The following ZNF335 variants were observed in gnomAD, a reference collection of about 807,000 sequenced individuals.
ZNF335 encodes the protein zinc finger protein 335.
In ZNF335, 84 loss-of-function variants were observed where a neutral mutation model predicts 145.6. The observed-to-expected ratio is 0.58, with a 90% CI of 0.48 to 0.69. The LOEUF is 0.69. Ranked by LOEUF, ZNF335 falls within the 30% of genes least tolerant of loss-of-function variation. The pLI, the probability that ZNF335 is intolerant of heterozygous loss-of-function variation, is 0.00. For missense variants in ZNF335, 1,865 were observed against 1,809.7 expected, an observed-to-expected ratio of 1.03 and a Z score of -0.55; for synonymous variants, 761 against 717.0, an observed-to-expected ratio of 1.06 and a Z score of -0.98.
rs796718085 is a variant in ZNF335, at chr20:45,972,186, T to G, written c.-115A>C. 8.5e-6 allele frequency: 11 copies of G among 1,288,972 alleles called. No individual in the cohort carries two copies. In the East Asian group the frequency reaches 4.5e-4, roughly 52 times the overall value. The allele number at this position is 1,288,972 out of a possible 1,614,324, so 79.8% of individuals were successfully genotyped here. ...TCGACGAGGTCGCCATCCTCTTTCC[T>G]CCGCTGCGGAGGAACCCATCGGCCT... On this transcript the variant is annotated 5_prime_UTR_variant, in exon 1 of 28. Coordinates refer to ENST00000322927, the MANE Select transcript of ZNF335 (RefSeq NM_022095.4).
At position 45,969,622 on chromosome 20, in the gene ZNF335, C is replaced by T. The variant is rs764110678; in HGVS notation, c.271G>A (p.Val91Met). The change falls in exon 3 of 28, where the codon GTG becomes ATG. Residue 91 changes from valine (V) to methionine (M), a missense_variant. Physicochemically the swap from Val to Met is conservative, Grantham distance 21 (BLOSUM62 1). Coordinates refer to ENST00000322927, the MANE Select transcript of ZNF335 (RefSeq NM_022095.4). Reference protein sequence around the residue: ...PNSYLPDSSSVSHGPVAGVTG... With the variant: ...PNSYLPDSSSMSHGPVAGVTG... The stretch of plus-strand genomic sequence containing the variant: ...ACCCCTGCCACTGGCCCATGAGACA[C>T]AGACGATGAATCAGGGAGGTAGCTA... The T allele has an allele frequency of 2.5e-6, 4 of 1,610,596 alleles. No homozygotes were observed. The highest frequency in any genetic ancestry group is 3.4e-6 in the Non-Finnish European group (4 of 1,177,632).
In ZNF335 at chr20:45,960,692, C is replaced by T. The variant is rs150978634; in HGVS notation, c.1706G>A (p.Arg569His). The T allele has an allele frequency of 9.3e-6, 15 of 1,613,968 alleles. No individual in the cohort carries two copies. The highest frequency in any genetic ancestry group is 1.6e-4 in the Middle Eastern group (1 of 6,084). The change falls in exon 12 of 28, where the codon CGT becomes CAT. Residue 569 changes from arginine to histidine, a missense_variant. Transcript: ENST00000322927. ...GAGTCTTTTCTGCATGGGGTACACA[C>T]GGCCACACACAGGGCAGGGGAAAGA... ...LSSFPCPVCG[R>H]VYPMQKRLTQ... is the part of the protein sequence containing the mutation.
chr20:45,954,013 C>A, intron 17 of ZNF335, 65 bp from the exon 18 acceptor site: 1 of 1,501,466 alleles, frequency 6.7e-7, no homozygotes, highest in Non-Finnish European at 8.9e-7. Context: ...TGCAAGACGC[C>A]TCCCCCATCT....
chr20:45,963,242 G>A (rs1031974577), intron 9 of ZNF335, among the ~76,000 whole-genome samples: 2 of 152,146 alleles, frequency 1.3e-5, no homozygotes, highest in African/African-American at 2.4e-5. Flanking sequence ...GCACTGTGCC[G>A]CCTGCAAAAC....
chr20:45,950,092 T>C, intron 22 of ZNF335, 23 bp from the exon 23 acceptor site: 1 of 1,611,924 alleles, frequency 6.2e-7, no homozygotes, highest in Non-Finnish European at 8.5e-7. Context: ...GAGAGGATGC[T>C]CACCTGGGGT....
intron 7 of ZNF335, 142 bp from the exon 8 acceptor site, chr20:45,964,132 C>T (rs1487547953): frequency 2.9e-6 from 3 of 1,050,722 alleles, no homozygotes; most frequent in Non-Finnish European, 3.9e-6. Context: ...ATGACACAGA[C>T]AGCCTGTGGT....
In ZNF335 at chr20:45,963,837, T is replaced by C. The variant is rs761604919; in HGVS notation, c.1256A>G (p.Asp419Gly). 2.5e-6 allele frequency: 4 copies of C among 1,613,546 alleles called. No individual in the cohort carries two copies. The highest frequency in any genetic ancestry group is 2.2e-5 in the South Asian group (2 of 91,006). The change falls in exon 8 of 28, where the codon GAT becomes GGT. Residue 419 changes from aspartate (D) to glycine (G), a missense_variant. Transcript: ENST00000322927. ...TPVEAGVSQSDAENAAPSCPD... is the reference protein window; with the variant it reads ...TPVEAGVSQSGAENAAPSCPD... ...GCAGGAGGGGGCTGCGTTCTCTGCATCTGACTGGCTCACACCAGCTTCCAC... is the reference window on the plus strand; with the variant it reads ...GCAGGAGGGGGCTGCGTTCTCTGCACCTGACTGGCTCACACCAGCTTCCAC...
intron 15 of ZNF335, 96 bp from the exon 16 acceptor site, chr20:45,958,024 G>C: frequency 2.1e-6 from 2 of 959,332 alleles, no homozygotes; most frequent in South Asian, 1.4e-5. Flanking sequence ...TTTTACATCT[G>C]TTGGCTTGTT....
Position 45,955,819 on chromosome 20 carries a change from C to CA in ZNF335, c.2442+1766dup, listed in dbSNP as rs11477111. ...TGGGTGACAAAATGAGACTCCATCT[C>CA]AAAAAAAAAAAAAATTTATGAGCAC... On this transcript the variant is annotated intron_variant, in intron 17 of 27. Coordinates refer to ENST00000322927, the MANE Select transcript of ZNF335 (RefSeq NM_022095.4). Among the ~76,000 whole-genome samples, 65 of 144,336 alleles carry CA rather than the reference C, an allele frequency of 4.5e-4. 1 individual carries two copies. Among genetic ancestry groups the CA allele is most frequent in the East Asian group, 1.4e-3 (7 of 4,974 alleles). 94.7% of individuals were successfully genotyped at this position (144,336 alleles called of 152,430 possible). A position where few individuals can be genotyped will look rare whatever the true frequency, so the allele number is the denominator to read the frequency against.
In ZNF335 at chr20:45,953,894, G is replaced by A; in HGVS notation, c.2497C>T (p.Gln833Ter). The part of the protein sequence containing the change: ...VEAGLASPGG[Q>*]PSPEGATPQV... ...GGAGTGGCACCTTCAGGGGAGGGCTGCCCACCAGGGGATGCTAACCCTGCT... is the reference window on the plus strand; with the variant it reads ...GGAGTGGCACCTTCAGGGGAGGGCTACCCACCAGGGGATGCTAACCCTGCT... The change falls in exon 18 of 28, where the codon CAG becomes TAG. Residue 833 changes from glutamine (Q) to a stop codon, truncating the protein, a stop_gained. Coordinates refer to ENST00000322927, the MANE Select transcript of ZNF335 (RefSeq NM_022095.4). LOFTEE classifies it high-confidence loss of function. The A allele has an allele frequency of 6.2e-7, 1 of 1,612,924 alleles. No individual in the cohort carries two copies. Among genetic ancestry groups the A allele is most frequent in the Non-Finnish European group, 8.5e-7 (1 of 1,179,592 alleles).
Position 45,950,363 on chromosome 20 carries a change from T to TA in ZNF335, c.3342dup (p.Asn1115Ter). On this transcript the variant is annotated frameshift_variant, in exon 22 of 28. Transcript: ENST00000322927. LOFTEE classifies it high-confidence loss of function. ...TGGATGTGGAACTTGAGGTGCCCGT[T>TA]ACGGTTGAAACTGAGGGGGATGAAA... 1.9e-6 allele frequency: 3 copies of TA among 1,596,320 alleles called. No individual in the cohort carries two copies. Among genetic ancestry groups the TA allele is most frequent in the Non-Finnish European group, 1.7e-6 (2 of 1,168,822 alleles).
In ZNF335 at chr20:45,967,584, T is replaced by A; in HGVS notation, c.865A>T (p.Ser289Cys). 6.2e-7 allele frequency: 1 copy of A among 1,613,960 alleles called. No individual in the cohort carries two copies. Among genetic ancestry groups the A allele is most frequent in the Non-Finnish European group, 8.5e-7 (1 of 1,179,938 alleles). The change falls in exon 6 of 28, where the codon AGC becomes TGC. Residue 289 changes from serine (S) to cysteine (C), a missense_variant. Physicochemically the swap from Ser to Cys is moderately radical, Grantham distance 112. Transcript: ENST00000322927. The stretch of plus-strand genomic sequence containing the variant: ...TCCTCTTGGCTCTTGGTGGAGGTGC[T>A]CCACTTCCGTAGACGTCCTTTTTTA... ...AGKKGRLRKW[S>C]TSTKSQEEEG... is the part of the protein sequence containing the mutation.
In ZNF335 at chr20:45,971,122, C is replaced by G. The variant is rs986672334; in HGVS notation, c.201+88G>C. The G allele has an allele frequency of 4.9e-6, 7 of 1,438,790 alleles. No individual in the cohort carries two copies. In the African/African-American group the frequency reaches 1.0e-4, roughly 21 times the overall value. The allele number at this position is 1,438,790 out of a possible 1,614,324, so 89.1% of individuals were successfully genotyped here. ...GTAAACCAGAAACACCAAGTATTAG[C>G]TACAAACAAGCCTTGTTTCCTCTTG... On this transcript the variant is annotated intron_variant, in intron 2 of 27. Transcript: ENST00000322927.
chr20:45,967,221 C>A (rs991783590), intron 6 of ZNF335: 1 of 482,924 alleles, frequency 2.1e-6, no homozygotes, highest in African/African-American at 1.9e-5. Context: ...CCAGTCTGAG[C>A]AACAGGGCGA....
chr20:45,965,034 A>G (rs2083925802), intron 7 of ZNF335, among the ~76,000 whole-genome samples: 2 of 139,920 alleles, frequency 1.4e-5, no homozygotes, highest in African/African-American at 5.7e-5. Flanking sequence ...GTCTCAAAAT[A>G]ATAATAATAA....
At chr20:45,972,096 G>A in intron 1 of ZNF335, 26 bp downstream of exon 1, 1 of 1,288,618 alleles carries the variant, frequency 7.8e-7, no homozygotes, top group Non-Finnish European at 1.0e-6. Flanking sequence ...GTACGGTGGG[G>A]CCGCCTAACT....
chr20:45,951,815 C>A (rs560552748), intron 20 of ZNF335, among the ~76,000 whole-genome samples: 1 of 152,246 alleles, frequency 6.6e-6, no homozygotes, highest in African/African-American at 2.4e-5. Context: ...CTGTCACACA[C>A]TTCTGTGCCT....
intron 24 of ZNF335, 59 bp from the exon 25 acceptor site, chr20:45,949,627 C>G: frequency 1.3e-6 from 2 of 1,534,608 alleles, no homozygotes; most frequent in Non-Finnish European, 8.8e-7. Context: ...TCGCCAGGAG[C>G]TTAGCTAAGA....
Position 45,963,564 on chromosome 20 carries a change from C to T in ZNF335, c.1442G>A (p.Arg481His), listed in dbSNP as rs773305820. Residue 481 changes from arginine (R) to histidine (H), a missense_variant, in exon 9 of 28, where the codon CGC becomes CAC. Transcript: ENST00000322927. ...AGCCTCATGGGAGTTGACGTGGAAG[C>T]GCAGGTCCTCGTGGGACAGAAAGCG... ...GSRFLSHEDL[R>H]FHVNSHEAGD... is the part of the protein sequence containing the mutation. The T allele has an allele frequency of 6.6e-5, 107 of 1,614,070 alleles. No individual in the cohort carries two copies. The highest frequency in any genetic ancestry group is 8.6e-5 in the Non-Finnish European group (102 of 1,180,050).
Sources: gnomAD v4.1 joint callset for allele counts (sites outside exome capture counted in the v4.1 genomes callset) on GRCh38, gnomAD v4.1.1 for gene constraint, MANE v1.5 for transcripts, NCBI Gene and HGNC (gene_info 2026-07-23, HGNC 2026-07-21) for gene names.